Variants in TRIM56 observed in about 807,000 individuals in gnomAD.
The protein encoded by TRIM56 is tripartite motif containing 56.
Under a neutral mutation model 17.1 loss-of-function variants are expected in TRIM56, and 10 were observed. That is an observed-to-expected ratio of 0.58 (90% CI 0.36 to 0.99). The LOEUF (loss-of-function observed/expected upper bound fraction) is 0.99, where lower values mean the gene tolerates loss of function less well. Among genes scored for constraint, TRIM56 ranks in the 50% least tolerant of loss-of-function variants. TRIM56 has a pLI of 0.01. For synonymous variants in TRIM56, 503 were observed against 473.5 expected (o/e 1.06, Z -0.81); for missense variants, 923 against 1,052.3 (o/e 0.88, Z 1.70).
chr7:101,087,657 G>A lies in TRIM56; in HGVS notation c.345G>A (p.Pro115=), dbSNP rs554590425. 19 of 1,605,628 alleles carry A rather than the reference G, an allele frequency of 1.2e-5. No individual in the cohort carries two copies. The highest frequency in any genetic ancestry group is 1.1e-4 in the African/African-American group (8 of 74,846). The change falls in exon 3 of 3, where the codon CCG becomes CCA. Residue 115 remains proline (P), a synonymous_variant. Coordinates refer to ENST00000306085, the MANE Select transcript of TRIM56 (RefSeq NM_030961.3). ...TGGGTGGCACCAGCACCGGGGGGCC[G>A]GCCACGGCCCGGTGCCTGGACTGTG... The part of the protein sequence containing the change: ...PLVGGTSTGG[P]ATARCLDCAD...
chr7:101,089,890 A>G lies in TRIM56; in HGVS notation c.*310A>G. On this transcript the variant is annotated 3_prime_UTR_variant, in exon 3 of 3. Coordinates refer to ENST00000306085, the MANE Select transcript of TRIM56 (RefSeq NM_030961.3). ...CGCTGCTATATAGTTTAGGTTTCTG[A>G]GGTTTGTGAGCCTGTCCTGCTTTGC... is the stretch of plus-strand genomic sequence containing the variant. 3.2e-6 allele frequency: 1 copy of G among 314,654 alleles called. No individual in the cohort carries two copies. Among genetic ancestry groups the G allele is most frequent in the South Asian group, 5.8e-5 (1 of 17,258 alleles). The allele number at this position is 314,654 out of a possible 1,614,324, so 19.5% of individuals were successfully genotyped here.
chr7:101,089,026 C>G lies in TRIM56; in HGVS notation c.1714C>G (p.Leu572Val). The part of the protein sequence containing the change: ...VAFSASARLY[L>V]INPNGEVQWR... Reference sequence around the variant, plus strand: ...CTTCTCCGCTAGCGCACGGCTCTATCTCATCAACCCCAACGGCGAAGTGCA... The same window carrying G: ...CTTCTCCGCTAGCGCACGGCTCTATGTCATCAACCCCAACGGCGAAGTGCA... Residue 572 changes from leucine to valine, a missense_variant, in exon 3 of 3, where the codon CTC (leucine) becomes GTC (valine). Leu to Val is a conservative substitution (Grantham distance 32). This residue lies in a region of TRIM56 where 643 missense variants were observed against 665.6 expected (regional missense o/e 0.97). Coordinates refer to ENST00000306085, the MANE Select transcript of TRIM56 (RefSeq NM_030961.3). 6.2e-7 allele frequency: 1 copy of G among 1,604,976 alleles called. No homozygotes were observed. The highest frequency in any genetic ancestry group is 8.5e-7 in the Non-Finnish European group (1 of 1,179,302).
chr7:101,093,038 C>A lies in TRIM56; in HGVS notation c.*3458C>A, dbSNP rs1014515524. On this transcript the variant is annotated 3_prime_UTR_variant, in exon 3 of 3. Transcript: ENST00000306085. ...ATGCTGTTAATCTAAGACCTTACCC[C>A]CAACCCCGTGCTCTCTGAAATATGT... 3.3e-5 allele frequency: 6 copies of A among 182,694 alleles called. No individual in the cohort carries two copies. The East Asian group carries it at 6.7e-4, about 20-fold the overall frequency. 11.3% of individuals were successfully genotyped at this position (182,694 alleles called of 1,614,324 possible). A position where few individuals can be genotyped will look rare whatever the true frequency, so the allele number is the denominator to read the frequency against.
chr7:101,089,095 G>A lies in TRIM56; in HGVS notation c.1783G>A (p.Ala595Thr), dbSNP rs74927431. The A allele has an allele frequency of 1.6e-3, 2,521 of 1,599,440 alleles. 42 individuals are homozygous for A. In the East Asian group the frequency reaches 0.024, roughly 15 times the overall value. ...CCTCTCCCAGGCCAGCCACGCGGTG[G>A]CGGCACTGCCTAGCGGGGACCGCGT... ...LSLSQASHAV[A>T]ALPSGDRVAV... The change falls in exon 3 of 3, where the codon GCG (alanine) becomes ACG (threonine). Residue 595 changes from alanine to threonine, a missense_variant. Transcript: ENST00000306085.
At position 101,088,761 on chromosome 7, in the gene TRIM56, C is replaced by G. The variant is rs766966411; in HGVS notation, c.1449C>G (p.Asp483Glu). The G allele has an allele frequency of 5.0e-6, 8 of 1,613,998 alleles. No individual in the cohort carries two copies. The South Asian group carries it at 7.7e-5, about 16-fold the overall frequency. ...EPSPALGPNL[D>E]GSGLLPRPIF... ...GCCCAGCCCTGGGGCCGAATCTGGA[C>G]GGCTCTGGCCTCCTCCCCAGACCCA... The change falls in exon 3 of 3, where the codon GAC (aspartate) becomes GAG (glutamate). Residue 483 changes from aspartate (D) to glutamate (E), a missense_variant. Transcript: ENST00000306085.
Position 101,088,435 on chromosome 7 carries a change from C to G in TRIM56, c.1123C>G (p.Pro375Ala). ...LLRLSFEEQQ[P>A]QKDGGKDGAG... Reference sequence around the variant, plus strand: ...TCGGCTGTCCTTTGAGGAGCAGCAGCCCCAGAAGGATGGTGGGAAAGACGG... The same window carrying G: ...TCGGCTGTCCTTTGAGGAGCAGCAGGCCCAGAAGGATGGTGGGAAAGACGG... The change falls in exon 3 of 3, where the codon CCC becomes GCC. Residue 375 changes from proline to alanine, a missense_variant. Around this residue, in one of 3 missense-constraint regions of TRIM56, gnomAD observed 643 missense variants for 665.6 expected, o/e 0.97. Transcript: ENST00000306085. 2 of 1,613,336 alleles carry G rather than the reference C, an allele frequency of 1.2e-6. No individual in the cohort carries two copies. Among genetic ancestry groups the G allele is most frequent in the Non-Finnish European group, 1.7e-6 (2 of 1,179,696 alleles).
Position 101,088,650 on chromosome 7 carries a change from T to C in TRIM56, c.1338T>C (p.Asp446=), listed in dbSNP as rs758358722. 1 of 1,613,890 alleles carries C rather than the reference T, an allele frequency of 6.2e-7. No individual in the cohort carries two copies. Residue 446 remains aspartate (D), a synonymous_variant, in exon 3 of 3, where the codon GAT becomes GAC. Transcript: ENST00000306085. The part of the protein sequence containing the change: ...EEDRAQTPHE[D]GGPQPHRGGR... ...ACAGGGCCCAGACACCCCACGAGGA[T>C]GGAGGACCCCAGCCCCACAGGGGTG...
chr7:101,089,714 A>G lies in TRIM56; in HGVS notation c.*134A>G, dbSNP rs1322702986. ...GGCAACTTTTCAACATGGAGTGCCA[A>G]ACTGCTAACCCGTCTTCTAGTGTGT... On this transcript the variant is annotated 3_prime_UTR_variant, in exon 3 of 3. Transcript: ENST00000306085. The G allele has an allele frequency of 6.2e-6, 5 of 801,000 alleles. No homozygotes were observed. The highest frequency in any genetic ancestry group is 9.9e-6 in the Non-Finnish European group (5 of 506,436). The allele number at this position is 801,000 out of a possible 1,614,324, so 49.6% of individuals were successfully genotyped here.
In TRIM56 at chr7:101,095,065, T is replaced by TC. The variant is rs1554358230; in HGVS notation, c.*5486dup. 1.5e-5 allele frequency: 1 copy of TC among 65,166 alleles called. No homozygotes were observed. The highest frequency in any genetic ancestry group is 3.3e-5 in the Non-Finnish European group (1 of 29,968). 4.0% of individuals were successfully genotyped at this position (65,166 alleles called of 1,614,324 possible). On this transcript the variant is annotated 3_prime_UTR_variant, in exon 3 of 3. Transcript: ENST00000306085. ...CTGCCTCCCAAGGCTGGGCTCCGCG[T>TC]CAAAAAAAAAAAAAAAAAATGAGAC...
At position 101,092,689 on chromosome 7, in the gene TRIM56, C is replaced by A. The variant is rs1348356690; in HGVS notation, c.*3109C>A. The A allele has an allele frequency of 6.7e-6, 1 of 149,910 alleles. No individual in the cohort carries two copies. Among genetic ancestry groups the A allele is most frequent in the Non-Finnish European group, 1.5e-5 (1 of 68,808 alleles). The allele number at this position is 149,910 out of a possible 1,614,324, so 9.3% of individuals were successfully genotyped here. A position where few individuals can be genotyped will look rare whatever the true frequency, so the allele number is the denominator to read the frequency against. ...GGGAGGTGGGGGATCAGTCCCCGCC[C>A]GGCCAGCCGCCCCGCCCGGGAGCGA... On this transcript the variant is annotated 3_prime_UTR_variant, in exon 3 of 3. Transcript: ENST00000306085.
rs1414783506 is a variant in TRIM56, at chr7:101,094,607, A to G, written c.*5027A>G. The G allele has an allele frequency of 2.0e-5, 3 of 152,200 alleles. No homozygotes were observed. The highest frequency in any genetic ancestry group is 4.4e-5 in the Non-Finnish European group (3 of 68,056). The allele number at this position is 152,200 out of a possible 1,614,324, so 9.4% of individuals were successfully genotyped here. On this transcript the variant is annotated 3_prime_UTR_variant, in exon 3 of 3. Transcript: ENST00000306085. ...GATCCCACCCGGCCGGGGCTCAGCCAGGAGGCAGGGCCATTGGGGCAGGGT... is the reference window on the plus strand; with the variant it reads ...GATCCCACCCGGCCGGGGCTCAGCCGGGAGGCAGGGCCATTGGGGCAGGGT...
At position 101,087,759 on chromosome 7, in the gene TRIM56, G is replaced by C. The variant is rs766162769; in HGVS notation, c.447G>C (p.Leu149=). The C allele has an allele frequency of 6.2e-7, 1 of 1,606,056 alleles. No individual in the cohort carries two copies. The highest frequency in any genetic ancestry group is 1.1e-5 in the South Asian group (1 of 90,614). ...CCCACACCCACCGCGTGGTGGACCT[G>C]GTGGGCTACAGGGCCGGGTGGTATG... The part of the protein sequence containing the change: ...RQTHTHRVVD[L]VGYRAGWYDE... Residue 149 remains leucine (L), a synonymous_variant, in exon 3 of 3, where the codon CTG becomes CTC. Coordinates refer to ENST00000306085, the MANE Select transcript of TRIM56 (RefSeq NM_030961.3).
In TRIM56 at chr7:101,088,447, G is replaced by A. The variant is rs767690953; in HGVS notation, c.1135G>A (p.Gly379Ser). The A allele has an allele frequency of 5.0e-6, 8 of 1,613,518 alleles. No individual in the cohort carries two copies. In the Admixed American group the frequency reaches 8.3e-5, roughly 17 times the overall value. The change falls in exon 3 of 3, where the codon GGT (glycine) becomes AGT (serine). Residue 379 changes from glycine to serine, a missense_variant. Physicochemically the swap from Gly to Ser is moderately conservative, Grantham distance 56. This residue lies in a region of TRIM56 where 643 missense variants were observed against 665.6 expected (regional missense o/e 0.97). Transcript: ENST00000306085. The stretch of plus-strand genomic sequence containing the variant: ...TGAGGAGCAGCAGCCCCAGAAGGAT[G>A]GTGGGAAAGACGGAGCTGGTACCCA... ...SFEEQQPQKD[G>S]GKDGAGTQGG...
chr7:101,094,776 G>A lies in TRIM56; in HGVS notation c.*5196G>A, dbSNP rs967802020. On this transcript the variant is annotated 3_prime_UTR_variant, in exon 3 of 3. Coordinates refer to ENST00000306085, the MANE Select transcript of TRIM56 (RefSeq NM_030961.3). ...ACTCAGACCAACTGGAAACCAAGTG[G>A]AGTTTCTACAGGACCAACTAGAATA... 13 of 143,492 alleles carry A rather than the reference G, an allele frequency of 9.1e-5. No individual in the cohort carries two copies. Among genetic ancestry groups the A allele is most frequent in the Middle Eastern group, 3.5e-3 (1 of 286 alleles). 8.9% of individuals were successfully genotyped at this position (143,492 alleles called of 1,614,324 possible).
In TRIM56 at chr7:101,089,250, G is replaced by A. The variant is rs1795522338; in HGVS notation, c.1938G>A (p.Gly646=). 3.1e-6 allele frequency: 5 copies of A among 1,612,452 alleles called. No homozygotes were observed. Among genetic ancestry groups the A allele is most frequent in the Non-Finnish European group, 4.2e-6 (5 of 1,178,774 alleles). The stretch of plus-strand genomic sequence containing the variant: ...TGTTTCTGACCACCAGCCCCCAGGG[G>A]CATTTCGTGGGGTCGGACTGGCAGC... ...ALVFLTTSPQ[G]HFVGSDWQQN... Residue 646 remains glycine (G), a synonymous_variant, in exon 3 of 3, where the codon GGG becomes GGA. Coordinates refer to ENST00000306085, the MANE Select transcript of TRIM56 (RefSeq NM_030961.3).
In TRIM56 at chr7:101,089,026, CTCA is replaced by C. The variant is rs1584890491; in HGVS notation, c.1718_1720del (p.Ile573del). Reference sequence around the variant, plus strand: ...CTTCTCCGCTAGCGCACGGCTCTATCTCATCAACCCCAACGGCGAAGTGCAGTG... The same window carrying C: ...CTTCTCCGCTAGCGCACGGCTCTATCTCAACCCCAACGGCGAAGTGCAGTG... On this transcript the variant is annotated inframe_deletion, in exon 3 of 3. Transcript: ENST00000306085. 1 of 1,604,976 alleles carries C rather than the reference CTCA, an allele frequency of 6.2e-7. No homozygotes were observed. The highest frequency in any genetic ancestry group is 8.5e-7 in the Non-Finnish European group (1 of 1,179,302).
At position 101,091,590 on chromosome 7, in the gene TRIM56, G is replaced by T. The variant is rs1391711822; in HGVS notation, c.*2010G>T. The T allele has an allele frequency of 2.8e-6, 1 of 355,430 alleles. No individual in the cohort carries two copies. The highest frequency in any genetic ancestry group is 3.7e-5 in the Admixed American group (1 of 26,792). The allele number at this position is 355,430 out of a possible 1,614,324, so 22.0% of individuals were successfully genotyped here. A position where few individuals can be genotyped will look rare whatever the true frequency, so the allele number is the denominator to read the frequency against. On this transcript the variant is annotated 3_prime_UTR_variant, in exon 3 of 3. Transcript: ENST00000306085. ...AAAAATACAAAAATTAGCTAGGCGT[G>T]GGAGCGGGCGTCTGTAATCCCAGCT... is the stretch of plus-strand genomic sequence containing the variant.
Position 101,087,490 on chromosome 7 carries a change from C to T in TRIM56, c.178C>T (p.Arg60Cys), listed in dbSNP as rs767709463. 15 of 1,613,422 alleles carry T rather than the reference C, an allele frequency of 9.3e-6. No homozygotes were observed. The highest frequency in any genetic ancestry group is 7.7e-5 in the South Asian group (7 of 91,042). Residue 60 changes from arginine (R) to cysteine (C), a missense_variant, in exon 3 of 3, where the codon CGC becomes TGC. By Grantham distance (180) the Arg-to-Cys change is radical (BLOSUM62 -3). Around this residue, in one of 3 missense-constraint regions of TRIM56, gnomAD observed 98 missense variants for 143.6 expected, o/e 0.68. Transcript: ENST00000306085. ...CGGCCGCGTCCGCTGCCCCGAGTGC[C>T]GCGAGACAGTGCCTGTGCCGCCCGA... ...DGGRVRCPEC[R>C]ETVPVPPEGV...
At position 101,088,554 on chromosome 7, in the gene TRIM56, T is replaced by C. The variant is rs1227998839; in HGVS notation, c.1242T>C (p.Asp414=). The C allele has an allele frequency of 1.9e-6, 3 of 1,613,630 alleles. No individual in the cohort carries two copies. The highest frequency in any genetic ancestry group is 2.5e-6 in the Non-Finnish European group (3 of 1,179,838). Reference sequence around the variant, plus strand: ...GTGGAGTCCAGCCCCAGGCTGGAGATGGAGCCCAGACCCCAAAAGAGGAAA... The same window carrying C: ...GTGGAGTCCAGCCCCAGGCTGGAGACGGAGCCCAGACCCCAAAAGAGGAAA... ...RQGGVQPQAG[D]GAQTPKEEKA... The change falls in exon 3 of 3, where the codon GAT becomes GAC. Residue 414 remains aspartate, a synonymous_variant. Transcript: ENST00000306085.
Sources: gnomAD v4.1 joint callset for allele counts on GRCh38, gnomAD v4.1.1 for gene constraint, gnomAD v4.1.1 regional missense constraint, MANE v1.5 for transcripts, NCBI Gene and HGNC (gene_info 2026-07-23, HGNC 2026-07-21) for gene names.